Variants in DGKZ observed in about 807,000 individuals in gnomAD.
The protein encoded by DGKZ is diacylglycerol kinase zeta, also known as DAG kinase zeta.
DGKZ carries 45 observed loss-of-function variants against 142.5 expected under a neutral mutation model. The observed-to-expected ratio is 0.32, with a 90% CI of 0.25 to 0.40. The LOEUF (loss-of-function observed/expected upper bound fraction) is 0.40. Among genes scored for constraint, DGKZ ranks in the 10% least tolerant of loss-of-function variants. The probability of loss-of-function intolerance (pLI) is 1.00; values close to 1 mark genes in which losing one functional copy is unlikely to be tolerated. For missense variants in DGKZ, 755 were observed against 1,306.5 expected (o/e 0.58, Z 6.51); for synonymous variants, 442 against 527.0 (o/e 0.84, Z 2.21).
In DGKZ at chr11:46,367,684, C is replaced by T. The variant is rs751519687; in HGVS notation, c.303C>T (p.Phe101=). Residue 101 remains phenylalanine (F), a synonymous_variant, in exon 3 of 31, where the codon TTC becomes TTT. Coordinates refer to ENST00000527911, the Ensembl canonical transcript of DGKZ. This position sits in a 1 kb window ranked among gnomAD's most constrained non-coding sequence, Gnocchi z 4.1. The stretch of plus-strand genomic sequence containing the variant: ...CGACATATGGGGAGCACATCTGGTT[C>T]GAGACCAACGTGTCCGGGGACTTCT... The T allele has an allele frequency of 1.4e-5, 22 of 1,609,084 alleles. No homozygotes were observed. The South Asian group carries it at 1.6e-4, about 12-fold the overall frequency.
At chr11:46,377,748 C>T in intron 25 of DGKZ, 1 of 261,130 alleles carries the variant, frequency 3.8e-6, no homozygotes, top group South Asian at 4.1e-5. Context: ...CCACTCTCTT[C>T]TCTTGGTTCT....
chr11:46,334,599 G>A (rs148500368), intron 1 of DGKZ, among the ~76,000 whole-genome samples: 1 of 152,186 alleles, frequency 6.6e-6, no homozygotes, highest in East Asian at 1.9e-4. Context: ...CAGAAGGGGA[G>A]GGGATTTTCC....
At chr11:46,344,451 AT>A (rs552917575), upstream of DGKZ, among the ~76,000 whole-genome samples, 7,147 of 133,854 alleles carry the variant, frequency 0.053, 410 homozygotes, top group African/African-American at 0.18. Context: ...CATGAGCTCA[AT>A]TTTTTTTTTT....
chr11:46,379,588 G>A lies in DGKZ; in HGVS notation c.2688+20G>A. On this transcript the variant is annotated intron_variant, in intron 30 of 30. Coordinates refer to ENST00000527911, the Ensembl canonical transcript of DGKZ. ...CAGCAGGTGAGCAGACGGCAGGCAG[G>A]GAGCCCACGAGGGCACCAACCAAAC... 1 of 1,590,188 alleles carries A rather than the reference G, an allele frequency of 6.3e-7. No individual in the cohort carries two copies. Among genetic ancestry groups the A allele is most frequent in the Non-Finnish European group, 8.6e-7 (1 of 1,167,954 alleles).
chr11:46,346,983 G>A (rs1418981517), upstream of DGKZ, among the ~76,000 whole-genome samples: 1 of 152,200 alleles, frequency 6.6e-6, no homozygotes. Flanking sequence ...AATTGTGTAA[G>A]GGATGTGTTT....
intron 18 of DGKZ, 31 bp downstream of exon 18, chr11:46,374,870 G>A (rs1339295265): frequency 6.3e-7 from 1 of 1,582,698 alleles, no homozygotes. Context: ...GCTGGGGGGA[G>A]CCCTGCTGTC....
chr11:46,372,542 T>TGG lies in DGKZ; in HGVS notation c.1010+38_1010+39dup, dbSNP rs770095714. ...ACTTGCCAAGGTTTTGTGGGGGACA[T>TGG]GGGGGGGAACTTGCCTCACTCCTGG... On this transcript the variant is annotated intron_variant, in intron 11 of 30. Transcript: ENST00000527911. This position sits in a 1 kb window ranked among gnomAD's most constrained non-coding sequence, Gnocchi z 5.9. The TGG allele has an allele frequency of 2.5e-5, 40 of 1,613,578 alleles. No individual in the cohort carries two copies. Among genetic ancestry groups the TGG allele is most frequent in the Non-Finnish European group, 3.1e-5 (36 of 1,179,864 alleles).
intron 17 of DGKZ, 22 bp downstream of exon 17, chr11:46,374,688 T>C: frequency 6.3e-7 from 1 of 1,575,574 alleles, no homozygotes; most frequent in Non-Finnish European, 8.7e-7. Flanking sequence ...CAGGCTGCCG[T>C]GGGTGGGTGG....
Position 46,376,296 on chromosome 11 carries a change from T to A in DGKZ, c.2092-32T>A, listed in dbSNP as rs1287017150. On this transcript the variant is annotated intron_variant, in intron 22 of 30. Coordinates refer to ENST00000527911, the Ensembl canonical transcript of DGKZ. ...TCCCTTCCCTCCCTGGCCCCCACTC[T>A]ATCCCAGCCTGGCCTTTGCTTCTCT... 3 of 1,613,454 alleles carry A rather than the reference T, an allele frequency of 1.9e-6. No individual in the cohort carries two copies. The South Asian group carries it at 3.3e-5, about 18-fold the overall frequency.
Position 46,372,229 on chromosome 11 carries a change from C to T in DGKZ, c.927+59C>T. 1.4e-6 allele frequency: 2 copies of T among 1,465,286 alleles called. No homozygotes were observed. The highest frequency in any genetic ancestry group is 1.3e-5 in the South Asian group (1 of 78,198). 90.8% of individuals were successfully genotyped at this position (1,465,286 alleles called of 1,614,324 possible). A position where few individuals can be genotyped will look rare whatever the true frequency, so the allele number is the denominator to read the frequency against. ...GGGCGGGGGTTGGGGTCCAGCCCGT[C>T]TGCCAGCAGCTGTTCCCAGAGCCCG... On this transcript the variant is annotated intron_variant, in intron 10 of 30. Transcript: ENST00000527911. The surrounding 1 kb of genome is among the most constrained non-coding windows in gnomAD (Gnocchi z 5.9).
chr11:46,375,255 A>T (rs1944410148), intron 19 of DGKZ, among the ~76,000 whole-genome samples, 177 bp from the exon 20 acceptor site: 1 of 151,988 alleles, frequency 6.6e-6, no homozygotes, highest in African/African-American at 2.4e-5. Flanking sequence ...CGTCACCCTC[A>T]TTGCCTCTGT....
chr11:46,358,681 A>T (rs943883918), intron 1 of DGKZ, among the ~76,000 whole-genome samples: 35 of 152,320 alleles, frequency 2.3e-4, no homozygotes, highest in African/African-American at 8.2e-4. Flanking sequence ...TATATTTTTT[A>T]AAAATAAGTA....
chr11:46,379,772 C>T, intron 30 of DGKZ, 59 bp from the exon 31 acceptor site: 1 of 1,494,728 alleles, frequency 6.7e-7, no homozygotes, highest in Non-Finnish European at 9.0e-7. Context: ...TGCCTCTCAG[C>T]CTGCTAGGGG....
chr11:46,371,459 G>T (rs772383597), intron 7 of DGKZ, 28 bp from the exon 8 acceptor site: 1 of 1,601,574 alleles, frequency 6.2e-7, no homozygotes, highest in South Asian at 1.1e-5. Context: ...ACACGGTCCC[G>T]CTGAGCCCGG....
In DGKZ at chr11:46,369,946, C is replaced by A. The variant is rs1246708287; in HGVS notation, c.507C>A (p.Thr169=). ...TTTTTCCCCTTCTCCCCCAGCCAAC[C>A]TTTGTACGGCACCACTGGGTACACA... The change falls in exon 6 of 31, where the codon ACC becomes ACA. Residue 169 remains threonine (T), a synonymous_variant. Coordinates refer to ENST00000527911, the Ensembl canonical transcript of DGKZ. 2.5e-6 allele frequency: 4 copies of A among 1,613,852 alleles called. No homozygotes were observed. In the African/African-American group the frequency reaches 5.3e-5, roughly 22 times the overall value.
intron 1 of DGKZ, chr11:46,366,214 C>T (rs370631259): frequency 2.0e-6 from 3 of 1,524,758 alleles, no homozygotes; most frequent in Non-Finnish European, 2.6e-6. Context: ...TGATCCAGCT[C>T]CTGATGCTCC....
At position 46,379,446 on chromosome 11, in the gene DGKZ, ACAGC is replaced by A. The variant is rs764827241; in HGVS notation, c.2574-2_2575del. ...TGGATCAGGGGACGGGATGGGGTAC[ACAGC>A]CAGCCCCTGCTCCCCCAGCGGGGAG... On this transcript the variant is annotated splice_region_variant and splice_polypyrimidine_tract_variant and intron_variant, in intron 29 of 30. Transcript: ENST00000527911. The A allele has an allele frequency of 1.7e-5, 28 of 1,601,532 alleles. 1 individual carries two copies. The East Asian group carries it at 6.1e-4, about 35-fold the overall frequency.
upstream of DGKZ, among the ~76,000 whole-genome samples, chr11:46,346,397 C>T (rs1940619468): frequency 9.1e-6 from 1 of 109,376 alleles, no homozygotes; most frequent in South Asian, 2.9e-4. Context: ...CCTTCGTCAG[C>T]CCTGCGGGGG....
rs1035511618 is a variant in DGKZ at position 46,366,991 on chromosome 11, A to G, written c.162-300A>G. The stretch of plus-strand genomic sequence containing the variant: ...CCTGGAGCGCCCTGCTCGCGTAGGT[A>G]TAGCTGTGGCCAGCAGGGCGAGTGG... On this transcript the variant is annotated intron_variant, in intron 1 of 30. Coordinates refer to ENST00000527911, the Ensembl canonical transcript of DGKZ. 2.3e-5 allele frequency: 35 copies of G among 1,514,716 alleles called. No homozygotes were observed. The highest frequency in any genetic ancestry group is 3.0e-5 in the Non-Finnish European group (34 of 1,138,798). The allele number at this position is 1,514,716 out of a possible 1,614,324, so 93.8% of individuals were successfully genotyped here. A position where few individuals can be genotyped will look rare whatever the true frequency, so the allele number is the denominator to read the frequency against.
Sources: allele counts gnomAD v4.1 joint callset (sites outside exome capture counted in the v4.1 genomes callset), GRCh38; gene constraint gnomAD v4.1.1; non-coding constraint Gnocchi (gnomAD v3.1); transcripts MANE v1.5; gene names NCBI Gene and HGNC (gene_info 2026-07-23, HGNC 2026-07-21).